Variants in SRPK2 observed in about 807,000 individuals in gnomAD.
SRPK2 encodes SRSF protein kinase 2.
Under a neutral mutation model 90.8 loss-of-function variants are expected in SRPK2, and 21 were observed. That is an observed-to-expected ratio of 0.23 (90% confidence interval 0.16 to 0.33). The LOEUF is 0.33. SRPK2 is among the 10% of genes least tolerant of loss of function. The pLI, the probability that SRPK2 is intolerant of heterozygous loss-of-function variation, is 1.00. For missense variants in SRPK2, 620 were observed against 869.0 expected (o/e 0.71, Z 3.60); for synonymous variants, 288 against 311.1 (o/e 0.93, Z 0.78).
chr7:105,280,764 A>G (rs1055939254), intron 2 of SRPK2, among the ~76,000 whole-genome samples: 8 of 150,384 alleles, frequency 5.3e-5, no homozygotes, highest in Non-Finnish European at 8.9e-5. Flanking sequence ...AGGCTAACAC[A>G]GTGAAACCCC....
At chr7:105,271,647 T>C (rs570376003) in intron 2 of SRPK2, among the ~76,000 whole-genome samples, 1 of 152,282 alleles carries the variant, frequency 6.6e-6, no homozygotes, top group South Asian at 2.1e-4. Flanking sequence ...CATACTGATA[T>C]GACTTATTAG....
intron 2 of SRPK2, among the ~76,000 whole-genome samples, chr7:105,222,204 T>G (rs1260052215): frequency 6.6e-6 from 1 of 152,230 alleles, no homozygotes; most frequent in Non-Finnish European, 1.5e-5. Context: ...TATACACATT[T>G]TAAAACCAAA....
At chr7:105,320,745 T>TC in intron 2 of SRPK2, among the ~76,000 whole-genome samples, 1 of 152,260 alleles carries the variant, frequency 6.6e-6, no homozygotes. Context: ...GGTTGCAAAC[T>TC]TTTTTTGTGA....
intron 2 of SRPK2, chr7:105,306,438 A>G (rs748955476): frequency 4.6e-6 from 2 of 431,924 alleles, no homozygotes; most frequent in South Asian, 3.4e-5. Context: ...TTTGAAACCT[A>G]AGAGACCACA....
At chr7:105,296,753 T>C (rs1809867510) in intron 2 of SRPK2, among the ~76,000 whole-genome samples, 1 of 152,236 alleles carries the variant, frequency 6.6e-6, no homozygotes, top group South Asian at 2.1e-4. Flanking sequence ...GAGCTTACTA[T>C]GTGCCAGGTA....
At chr7:105,340,174 A>G (rs1258414718) in intron 2 of SRPK2, among the ~76,000 whole-genome samples, 1 of 151,996 alleles carries the variant, frequency 6.6e-6, no homozygotes, top group Admixed American at 6.6e-5. Flanking sequence ...TATTTTTATT[A>G]ATCTCTAACC....
chr7:105,221,271 T>C (rs916444201), intron 2 of SRPK2, among the ~76,000 whole-genome samples: 3 of 152,230 alleles, frequency 2.0e-5, no homozygotes, highest in Admixed American at 2.0e-4. Flanking sequence ...GTCACTAGAA[T>C]TTGAAAAGTA....
At chr7:105,173,734 A>G (rs1479272875) in intron 3 of SRPK2, among the ~76,000 whole-genome samples, 2 of 152,182 alleles carry the variant, frequency 1.3e-5, no homozygotes, top group Non-Finnish European at 2.9e-5. Flanking sequence ...TCACCAGAGA[A>G]CAGAAAAGGA....
At chr7:105,170,899 G>A (rs1281604706) in intron 3 of SRPK2, among the ~76,000 whole-genome samples, 4 of 73,362 alleles carry the variant, frequency 5.5e-5, no homozygotes, top group African/African-American at 1.4e-4. Flanking sequence ...AAGAAAGAAA[G>A]AAAGAAAGAA....
chr7:105,357,068 C>T (rs1002881465), intron 2 of SRPK2, among the ~76,000 whole-genome samples: 3 of 150,634 alleles, frequency 2.0e-5, no homozygotes, highest in African/African-American at 7.3e-5. Flanking sequence ...CGGAGTCTCG[C>T]TCTGTCGCCC....
chr7:105,268,306 A>C (rs1457066737), intron 2 of SRPK2, among the ~76,000 whole-genome samples: 1 of 152,196 alleles, frequency 6.6e-6, no homozygotes, highest in East Asian at 1.9e-4. Context: ...AATGTGACTA[A>C]TCTGTGGGTT....
chr7:105,125,488 C>A (rs1487208328), intron 15 of SRPK2, among the ~76,000 whole-genome samples: 1 of 152,226 alleles, frequency 6.6e-6, no homozygotes, highest in African/African-American at 2.4e-5. Flanking sequence ...AAAGATAAGT[C>A]TAGCTGGCTT....
intron 7 of SRPK2, among the ~76,000 whole-genome samples, chr7:105,154,288 A>G (rs1806176856): frequency 6.6e-6 from 1 of 152,162 alleles, no homozygotes. Context: ...ACCTCACCAC[A>G]TTTCCTGAGT....
At chr7:105,151,661 T>C (rs1215150366) in intron 7 of SRPK2, among the ~76,000 whole-genome samples, 2 of 152,152 alleles carry the variant, frequency 1.3e-5, no homozygotes, top group Admixed American at 1.3e-4. Flanking sequence ...ATCCTCTTGC[T>C]TCAGCCTCCC....
chr7:105,298,688 C>T (rs1810159706), intron 2 of SRPK2: 2 of 977,926 alleles, frequency 2.0e-6, no homozygotes, highest in Non-Finnish European at 2.4e-6. Flanking sequence ...TATACTGCAA[C>T]CCCCTGCCTA....
chr7:105,215,450 T>TA (rs905143907), intron 2 of SRPK2, among the ~76,000 whole-genome samples: 5 of 152,086 alleles, frequency 3.3e-5, no homozygotes, highest in South Asian at 2.1e-4. Flanking sequence ...TCTCAGAAAG[T>TA]AAAAAAGAGT....
chr7:105,333,269 T>G (rs746730943), intron 2 of SRPK2, among the ~76,000 whole-genome samples: 1 of 152,206 alleles, frequency 6.6e-6, no homozygotes, highest in Non-Finnish European at 1.5e-5. Flanking sequence ...GTATGAAATG[T>G]TACATTGGAA....
At chr7:105,280,407 A>G (rs1807108471) in intron 2 of SRPK2, among the ~76,000 whole-genome samples, 1 of 151,326 alleles carries the variant, frequency 6.6e-6, no homozygotes, top group South Asian at 2.1e-4. Context: ...TGGGTGACAG[A>G]GTGAGACTGT....
At chr7:105,173,922 G>GTT (rs67739776) in intron 3 of SRPK2, among the ~76,000 whole-genome samples, 30 of 122,814 alleles carry the variant, frequency 2.4e-4, no homozygotes, top group East Asian at 2.4e-3. Context: ...GTGTGTTGGT[G>GTT]TTTTTTTTTT....
Sources: gnomAD v4.1 joint callset for allele counts (sites outside exome capture counted in the v4.1 genomes callset) on GRCh38, gnomAD v4.1.1 for gene constraint, MANE v1.5 for transcripts, NCBI Gene and HGNC (gene_info 2026-07-23, HGNC 2026-07-21) for gene names.